Variants in PIGU observed in about 807,000 individuals in gnomAD.
PIGU encodes the protein GPI-anchor transamidase component PIGU.
PIGU carries 24 observed loss-of-function variants against 49.9 expected under a neutral mutation model. The ratio of observed to expected loss-of-function variants is 0.48; its 90% CI spans 0.35 to 0.68. PIGU has a LOEUF of 0.68. Among genes scored for constraint, PIGU ranks in the 30% least tolerant of loss-of-function variants. The pLI, the probability that PIGU is intolerant of heterozygous loss-of-function variation, is 0.01. For synonymous variants in PIGU, 220 were observed against 205.7 expected, an observed-to-expected ratio of 1.07 and a Z score of -0.59; for missense variants, 490 against 532.6, an observed-to-expected ratio of 0.92 and a Z score of 0.79.
At chr20:34,561,735 C>T (rs1481242935) in intron 11 of PIGU, among the ~76,000 whole-genome samples, 1 of 152,014 alleles carries the variant, frequency 6.6e-6, no homozygotes, top group South Asian at 2.1e-4. Flanking sequence ...CCTGTCCGCC[C>T]TCTCCCGGCT....
chr20:34,590,577 G>GTAACGTAACATAACA (rs1422731264), intron 7 of PIGU, among the ~76,000 whole-genome samples: 204 of 140,632 alleles, frequency 1.5e-3, no homozygotes, highest in African/African-American at 5.4e-3. Flanking sequence ...ATAGCGTAAC[G>GTAACGTAACATAACA]TAACATAACA....
intron 1 of PIGU, among the ~76,000 whole-genome samples, chr20:34,664,146 T>C (rs763399023): frequency 1.3e-5 from 2 of 152,202 alleles, no homozygotes; most frequent in African/African-American, 4.8e-5. Context: ...ATGTAAAACA[T>C]GTAAAACATT....
chr20:34,585,495 C>T lies in PIGU; in HGVS notation c.868G>A (p.Val290Ile), dbSNP rs150263363. ...AAGACGTTGATCTGAAACACACATA[C>T]AAAGAAGAGGCTGAAGTGCTCAAAC... ...EMFEHFSLFF[V>I]CVFQINVFFY... The change falls in exon 9 of 12, where the codon GTA (valine) becomes ATA (isoleucine). Residue 290 changes from valine (V) to isoleucine (I), a missense_variant. By Grantham distance (29) the Val-to-Ile change is conservative (BLOSUM62 3). Coordinates refer to ENST00000217446, the MANE Select transcript of PIGU (RefSeq NM_080476.5). 54 of 1,613,692 alleles carry T rather than the reference C, an allele frequency of 3.3e-5. No individual in the cohort carries two copies. The highest frequency in any genetic ancestry group is 4.6e-5 in the Non-Finnish European group (54 of 1,179,708).
intron 1 of PIGU, among the ~76,000 whole-genome samples, chr20:34,660,246 A>C (rs1036815127): frequency 2.0e-5 from 3 of 152,082 alleles, no homozygotes; most frequent in Non-Finnish European, 4.4e-5. Flanking sequence ...AATGGATGCT[A>C]AAATTAGTGG....
At chr20:34,672,061 C>T (rs1244623596) in intron 1 of PIGU, among the ~76,000 whole-genome samples, 1 of 152,148 alleles carries the variant, frequency 6.6e-6, no homozygotes, top group South Asian at 2.1e-4. Flanking sequence ...GCCTTAGCGT[C>T]CCGAGTAGCT....
chr20:34,663,638 AG>A (rs1986994183), intron 1 of PIGU, among the ~76,000 whole-genome samples: 1 of 152,200 alleles, frequency 6.6e-6, no homozygotes, highest in African/African-American at 2.4e-5. Context: ...AATAAAACAA[AG>A]CATATTGCTC....
At chr20:34,566,363 C>T (rs1299160492) in intron 11 of PIGU, among the ~76,000 whole-genome samples, 1 of 152,202 alleles carries the variant, frequency 6.6e-6, no homozygotes, top group African/African-American at 2.4e-5. Flanking sequence ...ACCCTCTCAG[C>T]GCTGCCCCCA....
chr20:34,640,497 G>GCGCA (rs375494201), intron 4 of PIGU, among the ~76,000 whole-genome samples: 22 of 50,734 alleles, frequency 4.3e-4, no homozygotes, highest in Middle Eastern at 0.012. Flanking sequence ...ATGTGCGCAC[G>GCGCA]CGCACACACA....
chr20:34,635,245 G>C (rs1217888121), intron 5 of PIGU, among the ~76,000 whole-genome samples: 1 of 152,198 alleles, frequency 6.6e-6, no homozygotes. Context: ...CCTCAGTCAG[G>C]CTCCTAAGCC....
intron 3 of PIGU, 115 bp from the exon 4 acceptor site, chr20:34,644,341 T>TA (rs1472074840): frequency 1.3e-6 from 1 of 780,244 alleles, no homozygotes; most frequent in African/African-American, 1.7e-5. Context: ...ACTGGACTCT[T>TA]ACAATCAGGT....
intron 1 of PIGU, among the ~76,000 whole-genome samples, chr20:34,676,133 C>A (rs760641283): frequency 6.6e-6 from 1 of 151,530 alleles, no homozygotes; most frequent in Non-Finnish European, 1.5e-5. Context: ...CATCCTTGAA[C>A]GTTTCTTCAT....
intron 1 of PIGU, among the ~76,000 whole-genome samples, chr20:34,675,956 TAC>T (rs1987484399): frequency 6.6e-6 from 1 of 150,930 alleles, no homozygotes; most frequent in African/African-American, 2.4e-5. Context: ...CATGAGTGAA[TAC>T]AGTTTTTAAA....
intron 4 of PIGU, 133 bp from the exon 5 acceptor site, chr20:34,638,118 A>T (rs770696284): frequency 7.9e-5 from 108 of 1,365,404 alleles, no homozygotes; most frequent in Non-Finnish European, 9.4e-5. Flanking sequence ...CTCCAGGCTC[A>T]TCTCACACTC....
intron 7 of PIGU, among the ~76,000 whole-genome samples, chr20:34,605,720 T>TGGAGAGA: frequency 6.6e-6 from 1 of 152,330 alleles, no homozygotes; most frequent in South Asian, 2.1e-4. Flanking sequence ...CTCTTTTTTA[T>TGGAGAGA]TATAAATTTT....
chr20:34,603,241 C>A (rs1379494499), intron 7 of PIGU, among the ~76,000 whole-genome samples: 1 of 152,024 alleles, frequency 6.6e-6, no homozygotes, highest in African/African-American at 2.4e-5. Flanking sequence ...TGTCAGGAGG[C>A]TTGGTTTTTG....
At chr20:34,638,194 C>T (rs993996682) in intron 4 of PIGU, among the ~76,000 whole-genome samples, 5 of 152,160 alleles carry the variant, frequency 3.3e-5, no homozygotes, top group African/African-American at 1.2e-4. Flanking sequence ...TTTTCCCACA[C>T]CTTTGCATTT....
chr20:34,574,049 T>C (rs1983121323), intron 11 of PIGU, among the ~76,000 whole-genome samples: 1 of 152,260 alleles, frequency 6.6e-6, no homozygotes, highest in Non-Finnish European at 1.5e-5. Flanking sequence ...GCCAGCCTGC[T>C]TCCCATCCAG....
intron 2 of PIGU, among the ~76,000 whole-genome samples, chr20:34,649,719 G>C (rs1986468704): frequency 6.6e-6 from 1 of 151,626 alleles, no homozygotes; most frequent in Admixed American, 6.6e-5. Flanking sequence ...ATTTTTAGTA[G>C]AAACAGGGTT....
intron 7 of PIGU, among the ~76,000 whole-genome samples, chr20:34,602,244 T>G (rs1394445075): frequency 1.3e-5 from 2 of 148,342 alleles, no homozygotes; most frequent in South Asian, 2.2e-4. Context: ...ACTGCGCCAG[T>G]GCACTCCAGC....
Sources: gnomAD v4.1 joint callset for allele counts (sites outside exome capture counted in the v4.1 genomes callset) on GRCh38, gnomAD v4.1.1 for gene constraint, MANE v1.5 for transcripts, NCBI Gene and HGNC (gene_info 2026-07-23, HGNC 2026-07-21) for gene names.